Variants in NFIB observed in about 807,000 individuals in gnomAD.
NFIB encodes the protein nuclear factor I B.
NFIB carries 11 observed loss-of-function variants against 61.5 expected under a neutral mutation model. The observed-to-expected ratio is 0.18, with a 90% confidence interval of 0.11 to 0.30. NFIB has a LOEUF of 0.30. NFIB is among the 10% of genes least tolerant of loss of function. NFIB has a pLI of 1.00. For missense variants in NFIB, 471 were observed against 608.9 expected (o/e 0.77, Z 2.38); for synonymous variants, 260 against 216.5 (o/e 1.20, Z -1.76).
chr9:14,355,476 A>G (rs1307597777), intron 1 of NFIB, among the ~76,000 whole-genome samples: 1 of 152,232 alleles, frequency 6.6e-6, no homozygotes, highest in Non-Finnish European at 1.5e-5. Context: ...CCAATACAAC[A>G]AGATGATACT....
chr9:14,265,808 G>A (rs373926460), intron 2 of NFIB, among the ~76,000 whole-genome samples: 27 of 152,318 alleles, frequency 1.8e-4, no homozygotes, highest in African/African-American at 4.8e-4. Flanking sequence ...CAGTGTAGTG[G>A]AGAGAAAGAG....
At chr9:14,522,321 A>G in the NFIB span, among the ~76,000 whole-genome samples, 1 of 152,202 alleles carries the variant, frequency 6.6e-6, no homozygotes, top group African/African-American at 2.4e-5. Flanking sequence ...TTGAACATTC[A>G]TGCTACGTAA....
At chr9:14,257,947 T>A (rs1238702716) in intron 2 of NFIB, among the ~76,000 whole-genome samples, 1 of 152,164 alleles carries the variant, frequency 6.6e-6, no homozygotes, top group Non-Finnish European at 1.5e-5. Flanking sequence ...TATCTCAGTA[T>A]CTCCTATAAA....
chr9:14,121,798 C>T (rs1468806356), intron 7 of NFIB, among the ~76,000 whole-genome samples: 8 of 152,176 alleles, frequency 5.3e-5, no homozygotes, highest in Non-Finnish European at 1.2e-4. Flanking sequence ...CTATATAAAA[C>T]ACATGCAATG....
intron 4 of NFIB, 75 bp downstream of exon 4, chr9:14,155,750 T>C: frequency 2.3e-6 from 2 of 878,518 alleles, no homozygotes; most frequent in Non-Finnish European, 3.5e-6. Context: ...CTCTTTATAC[T>C]ACATTTAAGG....
At chr9:14,497,562 C>A in the NFIB span, among the ~76,000 whole-genome samples, 1 of 152,178 alleles carries the variant, frequency 6.6e-6, no homozygotes, top group Admixed American at 6.5e-5. Context: ...GTTTAAGACA[C>A]TTTTCAAATG....
chr9:14,205,558 T>C (rs2049594631), intron 2 of NFIB, among the ~76,000 whole-genome samples: 1 of 152,232 alleles, frequency 6.6e-6, no homozygotes, highest in Admixed American at 6.5e-5. Context: ...GATTTTTCTT[T>C]GAGACTGTTC....
the NFIB span, among the ~76,000 whole-genome samples, chr9:14,434,654 T>C: frequency 6.6e-6 from 1 of 152,222 alleles, no homozygotes; most frequent in Non-Finnish European, 1.5e-5. Context: ...CAAGAAAAGC[T>C]TCCCAATAAC....
intron 7 of NFIB, among the ~76,000 whole-genome samples, chr9:14,123,080 C>A (rs997928269): frequency 6.6e-6 from 1 of 151,354 alleles, no homozygotes; most frequent in Admixed American, 6.6e-5. Context: ...ATGGTGAAAC[C>A]CCATCTCTAC....
chr9:14,515,779 A>T, the NFIB span, among the ~76,000 whole-genome samples: 2 of 152,144 alleles, frequency 1.3e-5, no homozygotes, highest in Non-Finnish European at 2.9e-5. Flanking sequence ...GAGTTTCTGC[A>T]TTTCCCACAA....
chr9:14,175,319 G>A (rs1419206387), intron 3 of NFIB, among the ~76,000 whole-genome samples: 3 of 151,378 alleles, frequency 2.0e-5, no homozygotes, highest in African/African-American at 4.9e-5. Flanking sequence ...GACTACAGGC[G>A]CCCGCCACCA....
intron 1 of NFIB, among the ~76,000 whole-genome samples, chr9:14,347,106 G>A (rs1283000377): frequency 6.6e-6 from 1 of 151,780 alleles, no homozygotes; most frequent in Non-Finnish European, 1.5e-5. Flanking sequence ...CACGCCGGGA[G>A]CTGGAAGGCA....
chr9:14,436,690 A>G, the NFIB span, among the ~76,000 whole-genome samples: 2 of 152,176 alleles, frequency 1.3e-5, no homozygotes, highest in South Asian at 4.1e-4. Context: ...TTGGCAACCT[A>G]CCACCTGATT....
intron 6 of NFIB, among the ~76,000 whole-genome samples, chr9:14,130,621 T>C (rs2040291069): frequency 6.6e-6 from 1 of 152,088 alleles, no homozygotes; most frequent in South Asian, 2.1e-4. Flanking sequence ...AGGAACATGC[T>C]TTTACCAAAA....
chr9:14,503,102 A>ATGTGTGTG, the NFIB span, among the ~76,000 whole-genome samples: 1 of 135,442 alleles, frequency 7.4e-6, no homozygotes, highest in Non-Finnish European at 1.6e-5. Context: ...ATATATATAT[A>ATGTGTGTG]TATATGTGTG....
chr9:14,278,721 A>C (rs1035922302), intron 2 of NFIB, among the ~76,000 whole-genome samples: 1 of 152,332 alleles, frequency 6.6e-6, no homozygotes, highest in Non-Finnish European at 1.5e-5. Context: ...TAACCCCACC[A>C]TGATTCAGAA....
chr9:14,301,316 AC>A (rs2059737670), intron 2 of NFIB, among the ~76,000 whole-genome samples: 1 of 152,282 alleles, frequency 6.6e-6, no homozygotes, highest in African/African-American at 2.4e-5. Flanking sequence ...TTTGGTTCTT[AC>A]AAATATGGAG....
the NFIB span, among the ~76,000 whole-genome samples, chr9:14,515,736 A>G: frequency 2.0e-5 from 3 of 152,330 alleles, no homozygotes; most frequent in South Asian, 4.1e-4. Context: ...GCGAAAATGC[A>G]GAGGCTGACT....
chr9:14,331,932 G>A (rs910626031), intron 1 of NFIB, among the ~76,000 whole-genome samples: 11 of 152,166 alleles, frequency 7.2e-5, no homozygotes, highest in Admixed American at 6.5e-4. Flanking sequence ...CAAATAGGGT[G>A]AGAGATGATA....
Sources: allele counts gnomAD v4.1 joint callset (sites outside exome capture counted in the v4.1 genomes callset), GRCh38; gene constraint gnomAD v4.1.1; transcripts MANE v1.5; gene names NCBI Gene and HGNC (gene_info 2026-07-23, HGNC 2026-07-21).